The following SOX30 variants were observed in gnomAD, a reference collection of about 807,000 sequenced individuals.
The protein encoded by SOX30 is SRY-box transcription factor 30, also known as transcription factor SOX-30.
SOX30 carries 17 observed loss-of-function variants against 58.6 expected under a neutral mutation model. The observed-to-expected ratio is 0.29, with a 90% CI of 0.20 to 0.44. The LOEUF is 0.44. Among genes scored for constraint, SOX30 ranks in the 20% least tolerant of loss-of-function variants. SOX30 has a pLI of 1.00. For missense variants in SOX30, 951 were observed against 965.8 expected (o/e 0.98, Z 0.20); for synonymous variants, 421 against 400.2 (o/e 1.05, Z -0.62).
chr5:157,646,897 C>T, intron 2 of SOX30, 81 bp from the exon 3 acceptor site: 1 of 1,042,952 alleles, frequency 9.6e-7, no homozygotes, highest in Non-Finnish European at 1.5e-6. Context: ...ATGCAAAGCA[C>T]TTTAAAGTGT....
intron 3 of SOX30, among the ~76,000 whole-genome samples, chr5:157,640,133 CT>C (rs1206260729): frequency 6.6e-6 from 1 of 152,190 alleles, no homozygotes; most frequent in Non-Finnish European, 1.5e-5. Flanking sequence ...CCTTGTAAAC[CT>C]ATCACCTATC....
intron 1 of SOX30, among the ~76,000 whole-genome samples, chr5:157,668,660 C>T (rs987328965): frequency 5.9e-5 from 9 of 152,174 alleles, no homozygotes; most frequent in Non-Finnish European, 1.3e-4. Flanking sequence ...GGGTTTTCTT[C>T]TTTGCTGTGA....
chr5:157,642,893 A>AG (rs1386421496), intron 3 of SOX30, among the ~76,000 whole-genome samples: 1 of 152,238 alleles, frequency 6.6e-6, no homozygotes, highest in Non-Finnish European at 1.5e-5. Flanking sequence ...CAACTGACAG[A>AG]GAACAGAGAG....
At chr5:157,636,769 T>C (rs1435360402) in intron 4 of SOX30, among the ~76,000 whole-genome samples, 1 of 152,170 alleles carries the variant, frequency 6.6e-6, no homozygotes, top group Non-Finnish European at 1.5e-5. Context: ...AGATTGGTGT[T>C]AGACAGTTTA....
rs368056374 is a variant in SOX30, at chr5:157,648,664, T to C, written c.1200A>G (p.Glu400=). The C allele has an allele frequency of 1.1e-5, 18 of 1,611,474 alleles. No individual in the cohort carries two copies. Among genetic ancestry groups the C allele is most frequent in the Non-Finnish European group, 1.4e-5 (17 of 1,178,426 alleles). Residue 400 remains glutamate, a synonymous_variant, in exon 2 of 5, where the codon GAA becomes GAG. Coordinates refer to ENST00000265007, the MANE Select transcript of SOX30 (RefSeq NM_178424.2). The part of the protein sequence containing the change: ...AQKIKEKHRE[E]FPGWVYQPRP... The stretch of plus-strand genomic sequence containing the variant: ...ATTATTTAATTTGATTACCAGGAAA[T>C]TCCTCTCTGTGCTTTTCCTTAATCT...
chr5:157,656,826 G>A (rs1449994305), upstream of SOX30, among the ~76,000 whole-genome samples: 3 of 152,154 alleles, frequency 2.0e-5, no homozygotes, highest in Non-Finnish European at 1.5e-5. Context: ...AGAAAGTTTT[G>A]GAAAGTGTGA....
chr5:157,663,793 T>A (rs927301328), intron 2 of SOX30, among the ~76,000 whole-genome samples: 6 of 152,146 alleles, frequency 3.9e-5, no homozygotes, highest in African/African-American at 1.4e-4. Context: ...ATCACGAGCA[T>A]TCCTATACAC....
At chr5:157,646,979 C>T (rs1219023760) in intron 2 of SOX30, among the ~76,000 whole-genome samples, 163 bp from the exon 3 acceptor site, 10 of 152,106 alleles carry the variant, frequency 6.6e-5, no homozygotes, top group East Asian at 1.9e-4. Context: ...GACTTCTCCA[C>T]TGTGTATTTT....
At chr5:157,667,427 G>A (rs979825660) in intron 2 of SOX30, among the ~76,000 whole-genome samples, 3 of 152,034 alleles carry the variant, frequency 2.0e-5, no homozygotes, top group Non-Finnish European at 4.4e-5. Context: ...GGAGTACTTG[G>A]AAAAACCAGT....
At chr5:157,634,684 G>A (rs1300503456) in intron 4 of SOX30, among the ~76,000 whole-genome samples, 2 of 151,982 alleles carry the variant, frequency 1.3e-5, no homozygotes, top group Non-Finnish European at 2.9e-5. Context: ...TTTCACTCTT[G>A]TTGCCCAGGC....
intron 4 of SOX30, among the ~76,000 whole-genome samples, chr5:157,636,928 G>T (rs1348616259): frequency 6.6e-6 from 1 of 152,056 alleles, no homozygotes; most frequent in Non-Finnish European, 1.5e-5. Flanking sequence ...GGGAGTTCAA[G>T]ACCAGCCTGA....
chr5:157,639,723 G>A (rs1199710356), intron 3 of SOX30, among the ~76,000 whole-genome samples: 1 of 152,176 alleles, frequency 6.6e-6, no homozygotes, highest in Non-Finnish European at 1.5e-5. Context: ...CAGCAAGAGA[G>A]TCATGATCTA....
At chr5:157,643,328 G>A (rs2113843207) in intron 3 of SOX30, among the ~76,000 whole-genome samples, 1 of 152,324 alleles carries the variant, frequency 6.6e-6, no homozygotes, top group African/African-American at 2.4e-5. Flanking sequence ...GCTCAGGCAG[G>A]AAAATCACTT....
intron 2 of SOX30, among the ~76,000 whole-genome samples, chr5:157,664,849 G>A (rs1368180420): frequency 6.6e-6 from 1 of 152,166 alleles, no homozygotes; most frequent in Admixed American, 6.5e-5. Context: ...ATGAAAAAAT[G>A]CTCATCATCA....
Position 157,652,379 on chromosome 5 carries a change from T to G in SOX30, c.-301A>C. 1.8e-6 allele frequency: 2 copies of G among 1,127,594 alleles called. No homozygotes were observed. The highest frequency in any genetic ancestry group is 2.2e-6 in the Non-Finnish European group (2 of 922,456). The allele number at this position is 1,127,594 out of a possible 1,614,324, so 69.8% of individuals were successfully genotyped here. A position where few individuals can be genotyped will look rare whatever the true frequency, so the allele number is the denominator to read the frequency against. On this transcript the variant is annotated 5_prime_UTR_variant, in exon 1 of 5. Transcript: ENST00000265007. ...GCACATTTTCGTTCTGACTCTCTTG[T>G]GGAGTTCTCTTACAGCCGTTGTCTT...
Position 157,647,618 on chromosome 5 carries a change from G to A in SOX30, c.1208-802C>T, listed in dbSNP as rs191472229. Among the ~76,000 whole-genome samples the A allele has an allele frequency of 2.9e-4, 44 of 151,588 alleles. No individual in the cohort carries two copies. The East Asian group carries it at 8.2e-3, about 28-fold the overall frequency. On this transcript the variant is annotated intron_variant, in intron 2 of 4. Transcript: ENST00000265007. ...CGCCCAGGCTGGAGTGCAGTGGCAC[G>A]ATCTCGGCTCACTGCAAGCTCCACC...
At chr5:157,642,315 CAA>C (rs11317659) in intron 3 of SOX30, among the ~76,000 whole-genome samples, 60 of 116,894 alleles carry the variant, frequency 5.1e-4, no homozygotes, top group Admixed American at 5.4e-4. Context: ...GATTCCCTCT[CAA>C]AAAAAAAAAA....
intron 4 of SOX30, among the ~76,000 whole-genome samples, chr5:157,637,838 C>A (rs542055017): frequency 3.3e-5 from 5 of 152,194 alleles, no homozygotes; most frequent in Non-Finnish European, 5.9e-5. Flanking sequence ...GGATCACAGG[C>A]ACGTGCCACC....
At chr5:157,642,594 G>T (rs537899118) in intron 3 of SOX30, among the ~76,000 whole-genome samples, 2 of 151,926 alleles carry the variant, frequency 1.3e-5, no homozygotes, top group South Asian at 4.2e-4. Flanking sequence ...AAACACAAAA[G>T]AAAGAAATGT....
Sources: allele counts gnomAD v4.1 joint callset (sites outside exome capture counted in the v4.1 genomes callset), GRCh38; gene constraint gnomAD v4.1.1; transcripts MANE v1.5; gene names NCBI Gene and HGNC (gene_info 2026-07-23, HGNC 2026-07-21).